IPP: variants seen among roughly 807,000 people sequenced by gnomAD.
The protein encoded by IPP is actin-binding protein IPP.
A neutral mutation model predicts 64.1 loss-of-function variants in IPP; 41 were observed. The observed-to-expected ratio is 0.64, with a 90% CI of 0.50 to 0.83. The LOEUF is 0.83. Ranked by LOEUF, IPP falls within the 40% of genes least tolerant of loss-of-function variation. IPP has a pLI of 0.00. For synonymous variants in IPP, 214 were observed against 235.2 expected, an observed-to-expected ratio of 0.91 and a Z score of 0.83; for missense variants, 649 against 703.0, an observed-to-expected ratio of 0.92 and a Z score of 0.87.
chr1:45,716,840 TCAAA>T (rs1380855107), intron 7 of IPP, 51 bp downstream of exon 7: 19 of 1,524,670 alleles, frequency 1.2e-5, no homozygotes, highest in East Asian at 2.3e-5. Flanking sequence ...GGCCTCAAAC[TCAAA>T]CAGTTTTTCA....
At chr1:45,746,691 A>T (rs1438286943) in intron 1 of IPP, among the ~76,000 whole-genome samples, 1 of 152,212 alleles carries the variant, frequency 6.6e-6, no homozygotes, top group African/African-American at 2.4e-5. Flanking sequence ...TGCACTAGAA[A>T]CTGAAAGATA....
At chr1:45,730,220 C>A (rs1259966430) in intron 3 of IPP, among the ~76,000 whole-genome samples, 1 of 152,076 alleles carries the variant, frequency 6.6e-6, no homozygotes, top group Non-Finnish European at 1.5e-5. Flanking sequence ...GGTGTGGTGG[C>A]ACATGCCTAT....
At chr1:45,725,464 T>C (rs1414040166) in intron 5 of IPP, among the ~76,000 whole-genome samples, 4 of 128,946 alleles carry the variant, frequency 3.1e-5, no homozygotes, top group Non-Finnish European at 5.0e-5. Context: ...GGGAGGGAGG[T>C]GGGGGTGTCA....
chr1:45,731,519 C>T (rs760177838), intron 3 of IPP, among the ~76,000 whole-genome samples: 4 of 152,158 alleles, frequency 2.6e-5, no homozygotes, highest in Admixed American at 6.6e-5. Context: ...AGTAGTTGTA[C>T]TAGGTAGAAA....
chr1:45,700,280 T>C, intron 8 of IPP, 90 bp from the exon 9 acceptor site: 1 of 1,475,834 alleles, frequency 6.8e-7, no homozygotes, highest in Middle Eastern at 2.2e-4. Flanking sequence ...CCAGTTCTTT[T>C]TACATGTTTA....
At chr1:45,748,754 C>T (rs1646175464) in intron 1 of IPP, among the ~76,000 whole-genome samples, 2 of 152,006 alleles carry the variant, frequency 1.3e-5, no homozygotes, top group African/African-American at 4.8e-5. Flanking sequence ...GGTGGATCAC[C>T]AGAGGTCAGG....
At position 45,747,803 on chromosome 1, in the gene IPP, C is replaced by G. The variant is rs1351712622; in HGVS notation, c.-50-1342G>C. On this transcript the variant is annotated intron_variant, in intron 1 of 8. Coordinates refer to ENST00000396478, the MANE Select transcript of IPP (RefSeq NM_005897.3). ...AGATCACACCACTGCCCTCCGCTCTCCAGCCTGGGTAACAGAGCAAGACTC... is the reference window on the plus strand; with the variant it reads ...AGATCACACCACTGCCCTCCGCTCTGCAGCCTGGGTAACAGAGCAAGACTC... Among the ~76,000 whole-genome samples the G allele has an allele frequency of 2.2e-5, 3 of 139,116 alleles. No homozygotes were observed. The East Asian group carries it at 6.2e-4, about 29-fold the overall frequency. The allele number at this position is 139,116 out of a possible 152,430, so 91.3% of individuals were successfully genotyped here.
intron 2 of IPP, among the ~76,000 whole-genome samples, chr1:45,742,380 A>C (rs1033289647): frequency 2.0e-5 from 3 of 152,052 alleles, no homozygotes; most frequent in African/African-American, 7.2e-5. Context: ...AGTTGGAAAG[A>C]AAAAAAACAA....
At chr1:45,716,836 A>T (rs1156658833) in intron 7 of IPP, 59 bp downstream of exon 7, 16 of 1,500,480 alleles carry the variant, frequency 1.1e-5, no homozygotes, top group Non-Finnish European at 1.5e-5. Context: ...ATAAGGCCTC[A>T]AACTCAAACA....
intron 3 of IPP, among the ~76,000 whole-genome samples, chr1:45,734,399 AAT>A (rs1324808279): frequency 6.6e-6 from 1 of 151,794 alleles, no homozygotes; most frequent in African/African-American, 2.4e-5. Flanking sequence ...TATTATAAAT[AAT>A]ATGTATAAAA....
chr1:45,740,169 CAGA>C (rs1646040563), intron 3 of IPP, among the ~76,000 whole-genome samples: 1 of 152,230 alleles, frequency 6.6e-6, no homozygotes, highest in Non-Finnish European at 1.5e-5. Context: ...GATCCCAAGG[CAGA>C]AGAATTTTTC....
chr1:45,709,485 A>G (rs563963241), intron 8 of IPP, among the ~76,000 whole-genome samples: 36 of 149,424 alleles, frequency 2.4e-4, no homozygotes, highest in African/African-American at 8.9e-4. Context: ...ATGATGTGAG[A>G]TAGAAATGCA....
intron 8 of IPP, among the ~76,000 whole-genome samples, chr1:45,700,634 G>A (rs751573085): frequency 1.8e-4 from 27 of 152,030 alleles, no homozygotes; most frequent in Admixed American, 2.6e-4. Context: ...CACAGCACCC[G>A]GCCCAGAATA....
intron 6 of IPP, among the ~76,000 whole-genome samples, chr1:45,718,887 C>T (rs1176461970): frequency 1.6e-5 from 2 of 122,816 alleles, no homozygotes; most frequent in Admixed American, 9.0e-5. Flanking sequence ...AGGAGGTGGG[C>T]ATGGTTAATG....
intron 8 of IPP, among the ~76,000 whole-genome samples, chr1:45,705,949 G>A (rs897698092): frequency 2.0e-5 from 3 of 152,110 alleles, no homozygotes; most frequent in Admixed American, 6.6e-5. Context: ...AAACAGGTAC[G>A]CAGAAGGGGA....
At chr1:45,725,412 T>A (rs1645807767) in intron 5 of IPP, among the ~76,000 whole-genome samples, 1 of 142,618 alleles carries the variant, frequency 7.0e-6, no homozygotes, top group South Asian at 2.2e-4. Context: ...CCGCCCCTAC[T>A]GGGAAGTGAG....
In IPP at chr1:45,699,809, T is replaced by C. The variant is rs973888968; in HGVS notation, c.*157A>G. 7.0e-7 allele frequency: 1 copy of C among 1,438,484 alleles called. No homozygotes were observed. Among genetic ancestry groups the C allele is most frequent in the African/African-American group, 1.4e-5 (1 of 69,738 alleles). 89.1% of individuals were successfully genotyped at this position (1,438,484 alleles called of 1,614,324 possible). The stretch of plus-strand genomic sequence containing the variant: ...TTCCAAAGTGCTGGGATTATAGGCA[T>C]GAGGCCACTGCGCCCAGCCTCGTTA... On this transcript the variant is annotated 3_prime_UTR_variant, in exon 9 of 9. Coordinates refer to ENST00000396478, the MANE Select transcript of IPP (RefSeq NM_005897.3).
rs78627575 is a variant in IPP, at chr1:45,698,717, C to CTTT, written c.*1246_*1248dup. ...AGCAAAAAAGGAAGAATTTTTTTTT[C>CTTT]TTTTTTTTTTTTTTTTTTTGAGACA... On this transcript the variant is annotated 3_prime_UTR_variant, in exon 9 of 9. Coordinates refer to ENST00000396478, the MANE Select transcript of IPP (RefSeq NM_005897.3). The CTTT allele has an allele frequency of 9.2e-4, 685 of 743,512 alleles. No homozygotes were observed. Among genetic ancestry groups the CTTT allele is most frequent in the South Asian group, 1.3e-3 (21 of 15,884 alleles). The allele number at this position is 743,512 out of a possible 1,614,324, so 46.1% of individuals were successfully genotyped here.
At position 45,713,070 on chromosome 1, in the gene IPP, G is replaced by T. The variant is rs183950082; in HGVS notation, c.1530+1176C>A. ...TTTACAGTTTCTATTATAGAAAAAG[G>T]AAGGTCTAAAATCGATCATCTAAGC... On this transcript the variant is annotated intron_variant, in intron 8 of 8. Coordinates refer to ENST00000396478, the MANE Select transcript of IPP (RefSeq NM_005897.3). Among the ~76,000 whole-genome samples the T allele has an allele frequency of 2.7e-3, 417 of 152,112 alleles. 1 individual carries two copies. Among genetic ancestry groups the T allele is most frequent in the African/African-American group, 9.1e-3 (377 of 41,528 alleles).
Sources: allele counts gnomAD v4.1 joint callset (sites outside exome capture counted in the v4.1 genomes callset), GRCh38; gene constraint gnomAD v4.1.1; transcripts MANE v1.5; gene names NCBI Gene and HGNC (gene_info 2026-07-23, HGNC 2026-07-21).